The following TAF3 variants were observed in gnomAD, a reference collection of about 807,000 sequenced individuals.
The protein encoded by TAF3 is transcription initiation factor TFIID subunit 3.
Under a neutral mutation model 80.6 loss-of-function variants are expected in TAF3, and 7 were observed. The observed-to-expected ratio is 0.09, with a 90% confidence interval of 0.05 to 0.16. The LOEUF (loss-of-function observed/expected upper bound fraction) is 0.16. Among genes scored for constraint, TAF3 ranks in the 10% least tolerant of loss-of-function variants. TAF3 has a pLI of 1.00. For synonymous variants in TAF3, 444 were observed against 446.1 expected (o/e 1.00, Z 0.06); for missense variants, 921 against 1,140.2 (o/e 0.81, Z 2.77).
chr10:7,853,069 G>A (rs1837044380), intron 2 of TAF3, among the ~76,000 whole-genome samples: 1 of 152,098 alleles, frequency 6.6e-6, no homozygotes, highest in Non-Finnish European at 1.5e-5. Context: ...GTGGTGTGTT[G>A]GAGCTGGCTC....
At position 7,818,628 on chromosome 10, in the gene TAF3, T is replaced by C; in HGVS notation, c.-82T>C. 6.8e-7 allele frequency: 1 copy of C among 1,469,144 alleles called. No homozygotes were observed. The allele number at this position is 1,469,144 out of a possible 1,614,324, so 91.0% of individuals were successfully genotyped here. ...TCCCCGCCGCGGAAGCCCTAGAGGA[T>C]GAATCGGGGACCCTGCTAAGGTCTG... On this transcript the variant is annotated 5_prime_UTR_variant, in exon 1 of 7. An upstream start codon of the reference 5' UTR is lost. Coordinates refer to ENST00000344293, the MANE Select transcript of TAF3 (RefSeq NM_031923.4).
At chr10:7,879,950 A>G (rs545464578) in intron 2 of TAF3, among the ~76,000 whole-genome samples, 4 of 152,318 alleles carry the variant, frequency 2.6e-5, no homozygotes, top group African/African-American at 2.4e-5. Flanking sequence ...GGGTCACAAC[A>G]GTAATCCTGG....
In TAF3 at chr10:8,016,295, A is replaced by G. The variant is rs926399298; in HGVS notation, c.*1544A>G. 1 of 152,188 alleles carries G rather than the reference A, an allele frequency of 6.6e-6. No individual in the cohort carries two copies. Among genetic ancestry groups the G allele is most frequent in the Non-Finnish European group, 1.5e-5 (1 of 68,042 alleles). 9.4% of individuals were successfully genotyped at this position (152,188 alleles called of 1,614,324 possible). A position where few individuals can be genotyped will look rare whatever the true frequency, so the allele number is the denominator to read the frequency against. On this transcript the variant is annotated 3_prime_UTR_variant, in exon 7 of 7. Transcript: ENST00000344293. Reference sequence around the variant, plus strand: ...TTTTTTAAATGCCAAGTAAATTGATATTAGTGTATGAATTAGTCATATTTT... The same window carrying G: ...TTTTTTAAATGCCAAGTAAATTGATGTTAGTGTATGAATTAGTCATATTTT...
intron 2 of TAF3, among the ~76,000 whole-genome samples, chr10:7,856,352 T>G (rs1005259883): frequency 6.6e-6 from 1 of 151,902 alleles, no homozygotes; most frequent in Non-Finnish European, 1.5e-5. Context: ...GGTGCGTGTG[T>G]ACCTGTAATC....
intron 2 of TAF3, among the ~76,000 whole-genome samples, chr10:7,852,464 C>T (rs894529986): frequency 9.9e-5 from 15 of 152,080 alleles, no homozygotes; most frequent in African/African-American, 2.7e-4. Context: ...GCAGAAACTG[C>T]GTTGTTTGTC....
At chr10:8,007,782 G>A (rs55781378) in intron 4 of TAF3, among the ~76,000 whole-genome samples, 1 of 151,666 alleles carries the variant, frequency 6.6e-6, no homozygotes, top group East Asian at 1.9e-4. Context: ...GACTGGATGA[G>A]ATGATGTTTG....
At chr10:7,991,775 T>C (rs1831836574) in intron 4 of TAF3, among the ~76,000 whole-genome samples, 1 of 152,322 alleles carries the variant, frequency 6.6e-6, no homozygotes, top group East Asian at 1.9e-4. Context: ...GTGATTTTGG[T>C]GAAGACCTAG....
chr10:7,858,029 T>G (rs2131132385), intron 2 of TAF3, among the ~76,000 whole-genome samples: 1 of 151,940 alleles, frequency 6.6e-6, no homozygotes, highest in Admixed American at 6.6e-5. Context: ...GTTGACAGCT[T>G]ACAAAGAGGT....
Position 7,965,362 on chromosome 10 carries a change from G to C in TAF3, c.1852G>C (p.Asp618His). The stretch of plus-strand genomic sequence containing the variant: ...GAGGAAGGAGAAAGAGAAGCATAAA[G>C]ATAAGAAGAAAGATAGAGAGAAAGG... ...LVRKEKEKHK[D>H]KKKDREKGKK... Residue 618 changes from aspartate (D) to histidine (H), a missense_variant, in exon 3 of 7, where the codon GAT becomes CAT. Around this residue, in one of 6 missense-constraint regions of TAF3, gnomAD observed 743 missense variants for 821.0 expected, o/e 0.90. Transcript: ENST00000344293. The C allele has an allele frequency of 6.2e-7, 1 of 1,605,758 alleles. No individual in the cohort carries two copies. Among genetic ancestry groups the C allele is most frequent in the Non-Finnish European group, 8.5e-7 (1 of 1,178,018 alleles).
At chr10:7,950,095 C>T (rs1032750181) in intron 2 of TAF3, among the ~76,000 whole-genome samples, 2 of 152,160 alleles carry the variant, frequency 1.3e-5, no homozygotes, top group African/African-American at 4.8e-5. Context: ...GGTTTAGCAG[C>T]AGAAGGCAGA....
In TAF3 at chr10:7,958,155, A is replaced by G. The variant is rs1358177236; in HGVS notation, c.410-5765A>G. ...TTCACCTTTACCAGTGGTAGAGGCT[A>G]AACAGTTCAATAGCCATTACACATG... On this transcript the variant is annotated intron_variant, in intron 2 of 6. Coordinates refer to ENST00000344293, the MANE Select transcript of TAF3 (RefSeq NM_031923.4). 2.0e-5 allele frequency among the ~76,000 whole-genome samples: 3 copies of G among 146,426 alleles called. No homozygotes were observed. In the East Asian group the frequency reaches 6.4e-4, roughly 31 times the overall value.
At chr10:7,850,783 A>C (rs544578147) in intron 2 of TAF3, among the ~76,000 whole-genome samples, 1 of 152,304 alleles carries the variant, frequency 6.6e-6, no homozygotes, top group African/African-American at 2.4e-5. Context: ...TTAAGAGAGA[A>C]AAGTTTAGCT....
chr10:7,985,735 G>A (rs1831769607), intron 4 of TAF3, among the ~76,000 whole-genome samples: 1 of 148,090 alleles, frequency 6.8e-6, no homozygotes, highest in South Asian at 2.2e-4. Flanking sequence ...CTGTTCCTTT[G>A]ATTTTTGTGG....
intron 2 of TAF3, among the ~76,000 whole-genome samples, chr10:7,937,202 G>C (rs957332905): frequency 9.9e-5 from 15 of 152,164 alleles, no homozygotes; most frequent in African/African-American, 3.4e-4. Flanking sequence ...AAATGCCAGG[G>C]AGTGTGATTG....
intron 2 of TAF3, among the ~76,000 whole-genome samples, chr10:7,928,266 C>T (rs759575548): frequency 2.0e-5 from 3 of 152,062 alleles, no homozygotes; most frequent in Non-Finnish European, 4.4e-5. Flanking sequence ...AACTCACTGC[C>T]GTGTCCCAGT....
chr10:7,931,514 A>T (rs1003513055), intron 2 of TAF3, among the ~76,000 whole-genome samples: 3 of 152,204 alleles, frequency 2.0e-5, no homozygotes, highest in Non-Finnish European at 2.9e-5. Context: ...GGTAGACCAC[A>T]GGGACAGATT....
At chr10:7,824,639 A>G in intron 2 of TAF3, 79 bp downstream of exon 2, 2 of 1,481,296 alleles carry the variant, frequency 1.4e-6, no homozygotes, top group South Asian at 2.6e-5. Flanking sequence ...ATGCTATGTC[A>G]ACTTTATAAA....
At chr10:7,977,445 T>A in intron 4 of TAF3, 122 bp downstream of exon 4, 2 of 774,934 alleles carry the variant, frequency 2.6e-6, no homozygotes, top group Non-Finnish European at 3.9e-6. Flanking sequence ...TCAAGCTTTA[T>A]TTTTAGAACT....
chr10:7,852,681 G>A (rs1308597248), intron 2 of TAF3, among the ~76,000 whole-genome samples: 1 of 152,196 alleles, frequency 6.6e-6, no homozygotes, highest in Admixed American at 6.5e-5. Flanking sequence ...TATCATTTGT[G>A]AATGTGTGGG....
Sources: allele counts gnomAD v4.1 joint callset (sites outside exome capture counted in the v4.1 genomes callset), GRCh38; gene constraint gnomAD v4.1.1; regional missense constraint gnomAD v4.1.1; transcripts MANE v1.5; gene names NCBI Gene and HGNC (gene_info 2026-07-23, HGNC 2026-07-21).